Variants in GSN observed in about 807,000 individuals in gnomAD.
GSN encodes the protein actin-depolymerizing factor.
GSN carries 56 observed loss-of-function variants against 85.7 expected under a neutral mutation model. That is an observed-to-expected ratio of 0.65 (90% confidence interval 0.53 to 0.82). GSN has a LOEUF of 0.82. Among genes scored for constraint, GSN ranks in the 40% least tolerant of loss-of-function variants. The pLI, the probability that GSN is intolerant of heterozygous loss-of-function variation, is 0.00. For missense variants in GSN, 857 were observed against 979.8 expected, an observed-to-expected ratio of 0.87 and a Z score of 1.67; for synonymous variants, 373 against 399.1, an observed-to-expected ratio of 0.93 and a Z score of 0.78.
intron 2 of GSN, chr9:121,286,133 C>G (rs886090959): frequency 4.3e-5 from 66 of 1,535,480 alleles, no homozygotes; most frequent in African/African-American, 2.6e-4. Context: ...ATAGCTCCCC[C>G]CAGCCTCGCG....
At chr9:121,232,689 G>A (rs1700941277) in intron 5 of GSN, among the ~76,000 whole-genome samples, 1 of 152,148 alleles carries the variant, frequency 6.6e-6, no homozygotes, top group Admixed American at 6.6e-5. Flanking sequence ...GCTATCCTGA[G>A]CCAAGAAAAT....
chr9:121,228,848 C>T (rs2054330450), intron 4 of GSN, among the ~76,000 whole-genome samples: 1 of 152,170 alleles, frequency 6.6e-6, no homozygotes, highest in Admixed American at 6.5e-5. Flanking sequence ...CATGTATGTA[C>T]ACACAGACAC....
intron 2 of GSN, chr9:121,286,265 C>T (rs1332891168): frequency 3.4e-6 from 3 of 895,438 alleles, no homozygotes; most frequent in Non-Finnish European, 5.2e-6. Flanking sequence ...GAAAGTCCCG[C>T]TCCTGACTCC....
chr9:121,312,578 GAA>G, intron 6 of GSN, 90 bp downstream of exon 6: 12 of 534,006 alleles, frequency 2.2e-5, no homozygotes, highest in East Asian at 4.9e-5. Context: ...TGAATTTGAG[GAA>G]AAAAAAAAAC....
chr9:121,265,329 A>G (rs906410916), upstream of GSN: 1 of 152,238 alleles, frequency 6.6e-6, no homozygotes, highest in Non-Finnish European at 1.5e-5. Flanking sequence ...TAGTCATTTA[A>G]CGAGCCTCAT....
intron 4 of GSN, among the ~76,000 whole-genome samples, chr9:121,307,881 G>A (rs1050736499): frequency 2.4e-4 from 37 of 152,286 alleles, no homozygotes; most frequent in African/African-American, 7.2e-4. Context: ...CGCTTCCCCT[G>A]CATTGCCCTG....
intron 5 of GSN, among the ~76,000 whole-genome samples, chr9:121,247,312 G>A (rs574461616): frequency 2.8e-4 from 42 of 152,226 alleles, no homozygotes; most frequent in Middle Eastern, 3.4e-3. Flanking sequence ...CTACTCCCAC[G>A]CAAGGGAGCC....
chr9:121,317,706 C>A (rs1284440420), intron 8 of GSN: 1 of 241,946 alleles, frequency 4.1e-6, no homozygotes, highest in Non-Finnish European at 8.2e-6. Context: ...TCTTGGAAAC[C>A]ATTGGCCCAG....
intron 6 of GSN, among the ~76,000 whole-genome samples, chr9:121,251,908 C>T (rs1356557325): frequency 6.6e-6 from 1 of 152,146 alleles, no homozygotes; most frequent in Non-Finnish European, 1.5e-5. Context: ...TTGCAGTGAG[C>T]CGAGATCATG....
intron 6 of GSN, among the ~76,000 whole-genome samples, chr9:121,259,801 T>A: frequency 6.6e-6 from 1 of 152,248 alleles, no homozygotes; most frequent in East Asian, 1.9e-4. Context: ...TAATATTTTA[T>A]GCCATGATCA....
chr9:121,228,572 T>C (rs1286844249), intron 4 of GSN, among the ~76,000 whole-genome samples: 2 of 151,394 alleles, frequency 1.3e-5, no homozygotes, highest in African/African-American at 4.9e-5. Context: ...TAGCTGGGAC[T>C]ACAGGTGTGT....
At chr9:121,328,622 G>T (rs1210280502) in intron 14 of GSN, among the ~76,000 whole-genome samples, 4 of 152,246 alleles carry the variant, frequency 2.6e-5, no homozygotes, top group Non-Finnish European at 5.9e-5. Flanking sequence ...GGAGCTAATG[G>T]TCCTCATCCC....
intron 4 of GSN, chr9:121,310,296 A>C (rs1183962595): frequency 1.5e-5 from 5 of 329,622 alleles, no homozygotes; most frequent in Non-Finnish European, 2.9e-5. Flanking sequence ...GTCTTAGGGG[A>C]CTAGTGTGCC....
At chr9:121,326,751 C>T in intron 13 of GSN, 69 bp downstream of exon 13, 2 of 1,340,764 alleles carry the variant, frequency 1.5e-6, no homozygotes, top group Non-Finnish European at 1.1e-6. Context: ...ATGACCAGAT[C>T]TCCAGGCACA....
intron 4 of GSN, among the ~76,000 whole-genome samples, chr9:121,214,461 A>G (rs1016315701): frequency 3.9e-5 from 6 of 152,188 alleles, no homozygotes; most frequent in Non-Finnish European, 5.9e-5. Context: ...GGAGGATTAC[A>G]TGGCACAACA....
In GSN at chr9:121,233,292, C is replaced by T. The variant is rs530139080; in HGVS notation, c.-389+1989C>T. ...CAGCCTGATTAACATGGTGAAACCC[C>T]GTCTCTACTAAAAATACAAAAAATT... On this transcript the variant is annotated intron_variant, in intron 5 of 24. Coordinates refer to the GSN transcript ENST00000373823. Among the ~76,000 whole-genome samples the T allele has an allele frequency of 2.7e-4, 41 of 152,096 alleles. No homozygotes were observed. The East Asian group carries it at 3.7e-3, about 14-fold the overall frequency.
chr9:121,243,691 C>T (rs1295021971), intron 5 of GSN, among the ~76,000 whole-genome samples: 1 of 152,182 alleles, frequency 6.6e-6, no homozygotes, highest in African/African-American at 2.4e-5. Context: ...GATTCTCCTG[C>T]CTCAGCCTCC....
At position 121,312,305 on chromosome 9, in the gene GSN, C is replaced by T. The variant is rs769341863; in HGVS notation, c.514-34C>T. 112 of 1,612,660 alleles carry T rather than the reference C, an allele frequency of 6.9e-5. No homozygotes were observed. In the Middle Eastern group the frequency reaches 8.2e-4, roughly 12 times the overall value. ...TCGCTGGGCGGGGCTTATAGGAAGG[C>T]GGGGCACTGACTTCCTGGGTCTCTG... On this transcript the variant is annotated intron_variant, in intron 5 of 17. Transcript: ENST00000432226.
At chr9:121,331,081 G>T (rs1191542914) in intron 16 of GSN, among the ~76,000 whole-genome samples, 1 of 152,118 alleles carries the variant, frequency 6.6e-6, no homozygotes, top group Non-Finnish European at 1.5e-5. Context: ...ACTCAAGTGA[G>T]GTTTGAAGGC....
Sources: allele counts gnomAD v4.1 joint callset (sites outside exome capture counted in the v4.1 genomes callset), GRCh38; gene constraint gnomAD v4.1.1; transcripts MANE v1.5; gene names NCBI Gene and HGNC (gene_info 2026-07-23, HGNC 2026-07-21).